TOX: variants seen among roughly 807,000 people sequenced by gnomAD.
TOX encodes the protein thymocyte selection associated high mobility group box, also known as thymocyte selection-associated high mobility group box protein TOX.
A neutral mutation model predicts 53.7 loss-of-function variants in TOX; 11 were observed. The observed-to-expected ratio is 0.20, with a 90% confidence interval of 0.13 to 0.34. TOX has a LOEUF of 0.34. Among genes scored for constraint, TOX ranks in the 10% least tolerant of loss-of-function variants. The pLI, the probability that TOX is intolerant of heterozygous loss-of-function variation, is 1.00. For synonymous variants in TOX, 225 were observed against 245.3 expected (o/e 0.92, Z 0.77); for missense variants, 570 against 664.6 (o/e 0.86, Z 1.56).
intron 3 of TOX, among the ~76,000 whole-genome samples, chr8:58,926,650 A>G (rs1447564865): frequency 8.5e-5 from 13 of 152,188 alleles, no homozygotes; most frequent in African/African-American, 3.1e-4. Flanking sequence ...TCCTCCTTTT[A>G]TTTATAAAAT....
chr8:58,897,222 T>C (rs1811664819), intron 3 of TOX, among the ~76,000 whole-genome samples: 1 of 152,180 alleles, frequency 6.6e-6, no homozygotes, highest in Non-Finnish European at 1.5e-5. Context: ...CATCATTTTC[T>C]CCAATTACCA....
intron 3 of TOX, among the ~76,000 whole-genome samples, chr8:58,904,693 C>A (rs1194436923): frequency 1.3e-5 from 2 of 152,184 alleles, no homozygotes; most frequent in African/African-American, 4.8e-5. Context: ...TCTACTTTTT[C>A]TTTTCCCACA....
chr8:58,978,661 C>A (rs930117481), intron 1 of TOX, among the ~76,000 whole-genome samples: 1 of 152,154 alleles, frequency 6.6e-6, no homozygotes, highest in East Asian at 1.9e-4. Context: ...TATCTCCTAT[C>A]TCCACACACA....
chr8:58,976,162 C>G (rs1813096370), intron 1 of TOX, among the ~76,000 whole-genome samples: 2 of 152,148 alleles, frequency 1.3e-5, no homozygotes, highest in Admixed American at 1.3e-4. Context: ...TGATAGCATG[C>G]TACCTACAGT....
At chr8:58,952,369 C>T (rs1812635493) in intron 2 of TOX, among the ~76,000 whole-genome samples, 1 of 152,154 alleles carries the variant, frequency 6.6e-6, no homozygotes, top group Non-Finnish European at 1.5e-5. Flanking sequence ...TTTTGGAGGG[C>T]ATTCTTTAGT....
chr8:58,838,076 C>G lies in TOX; in HGVS notation c.924+5G>C, dbSNP rs754512414. On this transcript the variant is annotated splice_donor_5th_base_variant and intron_variant, in intron 5 of 8. Coordinates refer to ENST00000361421, the MANE Select transcript of TOX (RefSeq NM_014729.3). ...TAGATTCCCATTCCACTGGGAATCC[C>G]TTACCTGTTTTTGCTCTTCTCCTAA... is the stretch of plus-strand genomic sequence containing the variant. 11 of 1,613,398 alleles carry G rather than the reference C, an allele frequency of 6.8e-6. No homozygotes were observed. Among genetic ancestry groups the G allele is most frequent in the African/African-American group, 4.0e-5 (3 of 74,904 alleles).
chr8:58,890,566 T>C (rs1168134974), intron 3 of TOX, among the ~76,000 whole-genome samples: 1 of 152,062 alleles, frequency 6.6e-6, no homozygotes, highest in Non-Finnish European at 1.5e-5. Flanking sequence ...ATAGGTGATA[T>C]TGGACGGTAG....
chr8:58,914,741 G>T, intron 3 of TOX, among the ~76,000 whole-genome samples: 1 of 149,084 alleles, frequency 6.7e-6, no homozygotes, highest in East Asian at 2.0e-4. Flanking sequence ...ACAGCTCCCA[G>T]CGTGAGCGAC....
chr8:58,846,333 A>G (rs1200782346), intron 4 of TOX, among the ~76,000 whole-genome samples: 1 of 152,154 alleles, frequency 6.6e-6, no homozygotes, highest in East Asian at 1.9e-4. Flanking sequence ...CAGTTACAAT[A>G]TAAGTACAGT....
chr8:58,825,306 A>T (rs1049103006), intron 6 of TOX, among the ~76,000 whole-genome samples: 1 of 152,240 alleles, frequency 6.6e-6, no homozygotes, highest in African/African-American at 2.4e-5. Flanking sequence ...TCTACTGCCA[A>T]AGAGAAGAAA....
intron 1 of TOX, among the ~76,000 whole-genome samples, chr8:59,043,470 G>A (rs1803630389): frequency 6.6e-6 from 1 of 151,590 alleles, no homozygotes; most frequent in Admixed American, 6.6e-5. Context: ...AATAAAATAG[G>A]TAATCTATTG....
rs569383912 is a variant in TOX at position 59,063,932 on chromosome 8, G to A, written c.102+54954C>T. Among the ~76,000 whole-genome samples, 608 of 152,066 alleles carry A rather than the reference G, an allele frequency of 4.0e-3. 6 individuals are homozygous for A. The highest frequency in any genetic ancestry group is 0.014 in the African/African-American group (570 of 41,470). The stretch of plus-strand genomic sequence containing the variant: ...TGTGTGTTCGTGTGTGTGTGTGTTC[G>A]TGTGTGTATATGTACACGAACTATG... On this transcript the variant is annotated intron_variant, in intron 1 of 8. Coordinates refer to ENST00000361421, the MANE Select transcript of TOX (RefSeq NM_014729.3).
chr8:58,942,008 G>A (rs7827417), intron 2 of TOX, among the ~76,000 whole-genome samples: 45,461 of 148,986 alleles, frequency 0.31, 7,225 homozygotes, highest in East Asian at 0.4. Flanking sequence ...AGCTGAGAGC[G>A]TGCCACGACA....
chr8:58,935,604 G>C (rs1317470999), intron 3 of TOX, among the ~76,000 whole-genome samples: 2 of 152,078 alleles, frequency 1.3e-5, no homozygotes, highest in African/African-American at 4.8e-5. Flanking sequence ...CTGTCATTTC[G>C]AGGTGGGCAA....
At position 58,807,558 on chromosome 8, in the gene TOX, G is replaced by T. The variant is rs1006073470; in HGVS notation, c.*189C>A. On this transcript the variant is annotated 3_prime_UTR_variant, in exon 9 of 9. Transcript: ENST00000361421. Reference sequence around the variant, plus strand: ...GAAGAAGAAAAACAATGTCCATAAAGGATTAAAAAAATAATAAAGAAGCAT... The same window carrying T: ...GAAGAAGAAAAACAATGTCCATAAATGATTAAAAAAATAATAAAGAAGCAT... 1 of 596,162 alleles carries T rather than the reference G, an allele frequency of 1.7e-6. No individual in the cohort carries two copies. The highest frequency in any genetic ancestry group is 2.9e-6 in the Non-Finnish European group (1 of 342,752). The allele number at this position is 596,162 out of a possible 1,614,324, so 36.9% of individuals were successfully genotyped here.
intron 7 of TOX, among the ~76,000 whole-genome samples, chr8:58,813,279 T>C (rs944870256): frequency 6.6e-6 from 1 of 152,174 alleles, no homozygotes; most frequent in African/African-American, 2.4e-5. Flanking sequence ...TTAGCATAAA[T>C]AGAAAAAGTA....
chr8:58,826,827 A>G lies in TOX; in HGVS notation c.1000T>C (p.Ser334Pro). 1 of 1,607,940 alleles carries G rather than the reference A, an allele frequency of 6.2e-7. No homozygotes were observed. The highest frequency in any genetic ancestry group is 8.5e-7 in the Non-Finnish European group (1 of 1,177,864). Residue 334 changes from serine (S) to proline (P), a missense_variant, in exon 6 of 9, where the codon TCC becomes CCC. Around this residue, in one of 3 missense-constraint regions of TOX, gnomAD observed 239 missense variants for 250.7 expected, o/e 0.95. Transcript: ENST00000361421. The part of the protein sequence containing the change: ...QLAAYRASLV[S>P]KSYSEPVDVK... Reference sequence around the variant, plus strand: ...ATCACACAACTGCACGTTACCTTGGATACAAGGCTGGCTCTGTATGCTGCG... The same window carrying G: ...ATCACACAACTGCACGTTACCTTGGGTACAAGGCTGGCTCTGTATGCTGCG...
intron 1 of TOX, among the ~76,000 whole-genome samples, chr8:59,011,549 A>C (rs1813904764): frequency 2.0e-5 from 3 of 151,044 alleles, no homozygotes; most frequent in Middle Eastern, 3.4e-3. Context: ...TCTCTTTAGT[A>C]ATATTGATAT....
At chr8:58,956,601 A>ATAT (rs1266968371) in intron 2 of TOX, among the ~76,000 whole-genome samples, 3 of 152,018 alleles carry the variant, frequency 2.0e-5, no homozygotes, top group African/African-American at 7.2e-5. Flanking sequence ...CCCAAATACT[A>ATAT]TATTATTATT....
Sources: gnomAD v4.1 joint callset for allele counts (sites outside exome capture counted in the v4.1 genomes callset) on GRCh38, gnomAD v4.1.1 for gene constraint, gnomAD v4.1.1 regional missense constraint, MANE v1.5 for transcripts, NCBI Gene and HGNC (gene_info 2026-07-23, HGNC 2026-07-21) for gene names.